The following FAM13A variants were observed in gnomAD, a reference collection of about 807,000 sequenced individuals.
FAM13A encodes protein FAM13A.
Under a neutral mutation model 129.6 loss-of-function variants are expected in FAM13A, and 76 were observed. That is an observed-to-expected ratio of 0.59 (90% confidence interval 0.49 to 0.71). The LOEUF is 0.71. FAM13A is among the 30% of genes least tolerant of loss of function. The pLI, the probability that FAM13A is intolerant of heterozygous loss-of-function variation, is 0.00. For missense variants in FAM13A, 1,108 were observed against 1,249.3 expected, an observed-to-expected ratio of 0.89 and a Z score of 1.70; for synonymous variants, 443 against 449.9, an observed-to-expected ratio of 0.98 and a Z score of 0.20.
chr4:88,959,344 G>A (rs1034595961), intron 4 of FAM13A, among the ~76,000 whole-genome samples: 1 of 152,184 alleles, frequency 6.6e-6, no homozygotes, highest in Admixed American at 6.5e-5. Context: ...AGTGGGGCTT[G>A]GTGGGAAGTG....
chr4:88,994,535 G>C (rs977623596), intron 3 of FAM13A, among the ~76,000 whole-genome samples: 1 of 152,160 alleles, frequency 6.6e-6, no homozygotes, highest in East Asian at 1.9e-4. Context: ...TGACGCTTGC[G>C]AGAAAGAAGG....
intron 11 of FAM13A, among the ~76,000 whole-genome samples, chr4:88,773,531 T>C (rs1721098011): frequency 6.6e-6 from 1 of 152,204 alleles, no homozygotes; most frequent in Non-Finnish European, 1.5e-5. Flanking sequence ...GCCTCCATGT[T>C]GCACTGGAGA....
chr4:88,827,145 C>T (rs1213727993), intron 7 of FAM13A, among the ~76,000 whole-genome samples: 1 of 152,140 alleles, frequency 6.6e-6, no homozygotes, highest in Non-Finnish European at 1.5e-5. Flanking sequence ...ATCCAAATGC[C>T]TTTTCTTAGA....
At chr4:89,035,439 A>G (rs574185276) in intron 1 of FAM13A, among the ~76,000 whole-genome samples, 2 of 152,206 alleles carry the variant, frequency 1.3e-5, no homozygotes, top group Non-Finnish European at 2.9e-5. Flanking sequence ...TTAAAGCACA[A>G]GAACAACAAA....
rs1380480858 is a variant in FAM13A, at chr4:88,747,741, GCTT to G, written c.2269_2271del (p.Lys757del). 1 of 1,614,072 alleles carries G rather than the reference GCTT, an allele frequency of 6.2e-7. No individual in the cohort carries two copies. Among genetic ancestry groups the G allele is most frequent in the East Asian group, 2.2e-5 (1 of 44,878 alleles). Reference sequence around the variant, plus strand: ...TTTATTGCTTTATCCACCAGCTCTTGCTTCTTCTCATCTTCTTTCTCAAGTTGG... The same window carrying G: ...TTTATTGCTTTATCCACCAGCTCTTGCTTCTCATCTTCTTTCTCAAGTTGG... On this transcript the variant is annotated inframe_deletion, in exon 18 of 24. Coordinates refer to ENST00000264344, the MANE Select transcript of FAM13A (RefSeq NM_014883.4).
At chr4:88,910,935 A>G (rs1749005777) in intron 5 of FAM13A, among the ~76,000 whole-genome samples, 3 of 152,338 alleles carry the variant, frequency 2.0e-5, no homozygotes, top group Admixed American at 1.3e-4. Flanking sequence ...GGCGTGAGCC[A>G]CCACGCCCAG....
At chr4:88,928,695 A>ATGTAAG (rs1366590662) in intron 5 of FAM13A, among the ~76,000 whole-genome samples, 1 of 94,640 alleles carries the variant, frequency 1.1e-5, no homozygotes, top group African/African-American at 4.0e-5. Context: ...GTCTTTTTAC[A>ATGTAAG]TGTAAGGTGG....
intron 5 of FAM13A, chr4:88,937,274 C>T (rs1754000420): frequency 6.6e-6 from 1 of 152,180 alleles, no homozygotes; most frequent in Non-Finnish European, 1.5e-5. Flanking sequence ...CCAAGTGCCT[C>T]TGATTTTATC....
At chr4:88,996,880 G>T (rs1028913151) in intron 3 of FAM13A, among the ~76,000 whole-genome samples, 3 of 152,174 alleles carry the variant, frequency 2.0e-5, no homozygotes, top group Non-Finnish European at 4.4e-5. Flanking sequence ...TTTAAAGAAT[G>T]ATACGCATTT....
At chr4:89,022,024 ATCTT>A (rs1436159976) in intron 2 of FAM13A, among the ~76,000 whole-genome samples, 2 of 152,160 alleles carry the variant, frequency 1.3e-5, no homozygotes, top group Admixed American at 6.5e-5. Flanking sequence ...GTAAGAAACA[ATCTT>A]TCTAAGAAAG....
At chr4:88,855,213 G>A (rs114157277) in intron 6 of FAM13A, among the ~76,000 whole-genome samples, 2 of 152,140 alleles carry the variant, frequency 1.3e-5, no homozygotes, top group African/African-American at 4.8e-5. Context: ...ATAATGCAAC[G>A]ATTTTCTTTT....
At chr4:88,741,743 T>C (rs191279528) in intron 19 of FAM13A, among the ~76,000 whole-genome samples, 26 of 152,260 alleles carry the variant, frequency 1.7e-4, no homozygotes, top group African/African-American at 5.3e-4. Flanking sequence ...GAATTTCAGA[T>C]TTTGGGATTT....
At chr4:88,786,297 A>T (rs1035227081) in intron 10 of FAM13A, among the ~76,000 whole-genome samples, 1 of 152,174 alleles carries the variant, frequency 6.6e-6, no homozygotes, top group Non-Finnish European at 1.5e-5. Context: ...AAGAGGGTGG[A>T]AAGCAGGATA....
chr4:88,945,986 GTGTGTATATATATA>G (rs1457251344), intron 4 of FAM13A, among the ~76,000 whole-genome samples: 2 of 21,850 alleles, frequency 9.2e-5, no homozygotes, highest in African/African-American at 5.6e-4. Flanking sequence ...GTGTGTGTGT[GTGTGTATATATATA>G]TATATATATA....
At chr4:88,975,236 C>T (rs1760737955) in intron 4 of FAM13A, among the ~76,000 whole-genome samples, 1 of 151,958 alleles carries the variant, frequency 6.6e-6, no homozygotes, top group Admixed American at 6.6e-5. Flanking sequence ...TCCTGTTTCC[C>T]CAAGATTGAA....
chr4:89,029,582 T>C lies in FAM13A; in HGVS notation c.95A>G (p.Gln32Arg). ...TAACTTCTGATAGGTAAAATCCTTC[T>C]GTTCATTTAATGGCACTGCCACTAT... ...KKIVAVPLNE[Q>R]KDFTYQKLFG... Residue 32 changes from glutamine to arginine, a missense_variant, in exon 2 of 24, where the codon CAG becomes CGG. By Grantham distance (43) the Gln-to-Arg change is conservative (BLOSUM62 1). Coordinates refer to ENST00000264344, the MANE Select transcript of FAM13A (RefSeq NM_014883.4). 2 of 1,593,070 alleles carry C rather than the reference T, an allele frequency of 1.3e-6. No individual in the cohort carries two copies. The highest frequency in any genetic ancestry group is 1.1e-5 in the South Asian group (1 of 87,248).
chr4:88,997,437 AG>A (rs1271015396), intron 3 of FAM13A, among the ~76,000 whole-genome samples: 1 of 152,202 alleles, frequency 6.6e-6, no homozygotes, highest in African/African-American at 2.4e-5. Context: ...ACATTCAACT[AG>A]CACAGTATAC....
chr4:88,990,873 T>C, intron 4 of FAM13A, 100 bp downstream of exon 4: 1 of 911,564 alleles, frequency 1.1e-6, no homozygotes, highest in Non-Finnish European at 1.7e-6. Flanking sequence ...GCTGGCTGAA[T>C]TTTCAGACTG....
Position 88,823,037 on chromosome 4 carries a change from A to G in FAM13A, c.1008-17985T>C, listed in dbSNP as rs150184737. 25 of 1,613,320 alleles carry G rather than the reference A, an allele frequency of 1.5e-5. No homozygotes were observed. The East Asian group carries it at 5.4e-4, about 35-fold the overall frequency. On this transcript the variant is annotated intron_variant, in intron 7 of 23. Transcript: ENST00000264344. ...TGTAAATTTGCAAGGGAATCTCACA[A>G]CTGTCTCTTCCACGGCAAGTTTGGT...
Sources: gnomAD v4.1 joint callset for allele counts (sites outside exome capture counted in the v4.1 genomes callset) on GRCh38, gnomAD v4.1.1 for gene constraint, MANE v1.5 for transcripts, NCBI Gene and HGNC (gene_info 2026-07-23, HGNC 2026-07-21) for gene names.